The following ARMH3 variants were observed in gnomAD, a reference collection of about 807,000 sequenced individuals.
ARMH3 encodes armadillo-like helical domain-containing protein 3.
Under a neutral mutation model 99.1 loss-of-function variants are expected in ARMH3, and 60 were observed. That is an observed-to-expected ratio of 0.61 (90% confidence interval 0.49 to 0.75). The LOEUF (loss-of-function observed/expected upper bound fraction) is 0.75. ARMH3 is among the 30% of genes least tolerant of loss of function. The pLI is 0.00. For synonymous variants in ARMH3, 285 were observed against 292.8 expected (o/e 0.97, Z 0.27); for missense variants, 679 against 843.1 (o/e 0.81, Z 2.41).
chr10:101,939,972 C>T (rs1333648666), intron 22 of ARMH3, 34 bp from the exon 23 acceptor site: 9 of 1,582,842 alleles, frequency 5.7e-6, no homozygotes, highest in Non-Finnish European at 7.8e-6. Context: ...ATCTGTCAAA[C>T]CCCCGGCATA....
Position 101,849,757 on chromosome 10 carries a change from G to A in ARMH3, c.1977+19C>T. 3 of 1,607,260 alleles carry A rather than the reference G, an allele frequency of 1.9e-6. No homozygotes were observed. The highest frequency in any genetic ancestry group is 2.6e-6 in the Non-Finnish European group (3 of 1,174,162). On this transcript the variant is annotated intron_variant, in intron 25 of 25. Transcript: ENST00000370033. ...GGGGCGGGCCCCTAAGACACAGGCA[G>A]AGGCGGTGGGGCACTCACCAGCTCT...
chr10:101,983,099 T>C (rs770659940), intron 19 of ARMH3, among the ~76,000 whole-genome samples: 2 of 152,084 alleles, frequency 1.3e-5, no homozygotes, highest in African/African-American at 2.4e-5. Context: ...TCCAAAGTGA[T>C]GTCTGTTTGT....
At chr10:101,857,538 G>C (rs1175941400) in intron 24 of ARMH3, among the ~76,000 whole-genome samples, 1 of 152,156 alleles carries the variant, frequency 6.6e-6, no homozygotes, top group Non-Finnish European at 1.5e-5. Flanking sequence ...AGCAGCTTCA[G>C]GCAGTTTTTA....
chr10:101,916,277 C>T (rs978021144), intron 23 of ARMH3, among the ~76,000 whole-genome samples: 4 of 152,122 alleles, frequency 2.6e-5, no homozygotes, highest in African/African-American at 7.2e-5. Context: ...CTTAATTGTG[C>T]TTTCCTTCTC....
chr10:102,018,453 A>C (rs2066799846), intron 8 of ARMH3, among the ~76,000 whole-genome samples: 1 of 152,238 alleles, frequency 6.6e-6, no homozygotes, highest in South Asian at 2.1e-4. Flanking sequence ...TGTGATACAC[A>C]GTGATGTGCT....
chr10:101,951,901 A>G (rs1312247661), intron 22 of ARMH3, among the ~76,000 whole-genome samples: 14 of 138,340 alleles, frequency 1.0e-4, no homozygotes, highest in Admixed American at 3.6e-4. Context: ...GAAAGGAAGG[A>G]AGGGAGGGAG....
intron 22 of ARMH3, among the ~76,000 whole-genome samples, chr10:101,947,249 A>G (rs956707145): frequency 6.6e-6 from 1 of 152,186 alleles, no homozygotes; most frequent in Non-Finnish European, 1.5e-5. Context: ...CAATTATTCA[A>G]ATGACTACAG....
At chr10:101,851,309 G>A (rs890030146) in intron 24 of ARMH3, among the ~76,000 whole-genome samples, 1 of 152,128 alleles carries the variant, frequency 6.6e-6, no homozygotes, top group African/African-American at 2.4e-5. Flanking sequence ...GACAATCAGG[G>A]GAGAGGCACT....
At chr10:101,959,706 C>T (rs1038638251) in intron 20 of ARMH3, among the ~76,000 whole-genome samples, 3 of 152,206 alleles carry the variant, frequency 2.0e-5, no homozygotes, top group Non-Finnish European at 4.4e-5. Context: ...AACTCTGGCA[C>T]GGGCAACCTG....
At chr10:101,868,653 T>C (rs1250632254) in intron 24 of ARMH3, among the ~76,000 whole-genome samples, 1 of 152,208 alleles carries the variant, frequency 6.6e-6, no homozygotes, top group African/African-American at 2.4e-5. Context: ...ACTTAATGAA[T>C]AGTAAATACA....
chr10:101,912,308 G>T (rs189531371), intron 23 of ARMH3, among the ~76,000 whole-genome samples: 1 of 148,254 alleles, frequency 6.7e-6, no homozygotes, highest in Non-Finnish European at 1.5e-5. Flanking sequence ...CAGGAGAATC[G>T]CTTGAACTTG....
At chr10:101,928,855 C>T (rs1161646290) in intron 23 of ARMH3, among the ~76,000 whole-genome samples, 1 of 152,100 alleles carries the variant, frequency 6.6e-6, no homozygotes, top group African/African-American at 2.4e-5. Context: ...CTCAGCCTCC[C>T]GAGGAGCTGG....
intron 13 of ARMH3, among the ~76,000 whole-genome samples, chr10:102,007,833 CAAAAAAAAAAA>C (rs529858697): frequency 2.0e-5 from 1 of 48,990 alleles, no homozygotes. Context: ...ACACCATCTC[CAAAAAAAAAAA>C]AAAAAAAAAA....
chr10:101,922,712 C>T (rs1450194381), intron 23 of ARMH3, among the ~76,000 whole-genome samples: 7 of 152,116 alleles, frequency 4.6e-5, no homozygotes, highest in Non-Finnish European at 1.0e-4. Context: ...TTTAATCCAT[C>T]CCTATCTGAA....
intron 23 of ARMH3, among the ~76,000 whole-genome samples, chr10:101,908,550 T>A (rs866757783): frequency 6.6e-6 from 1 of 152,174 alleles, no homozygotes; most frequent in East Asian, 1.9e-4. Context: ...ATAGCAAATG[T>A]CCCCCAGAGG....
chr10:101,951,786 G>A (rs948738042), intron 22 of ARMH3, among the ~76,000 whole-genome samples: 24 of 151,734 alleles, frequency 1.6e-4, no homozygotes, highest in African/African-American at 5.8e-4. Context: ...GAGAATCCCT[G>A]GAACCCAGCA....
At chr10:101,920,470 G>A (rs1022748529) in intron 23 of ARMH3, among the ~76,000 whole-genome samples, 3 of 152,140 alleles carry the variant, frequency 2.0e-5, no homozygotes, top group Admixed American at 2.0e-4. Flanking sequence ...CTACCCTACA[G>A]AGCTTAAATG....
At chr10:101,969,694 AC>A (rs904795582) in intron 20 of ARMH3, among the ~76,000 whole-genome samples, 2 of 152,194 alleles carry the variant, frequency 1.3e-5, no homozygotes, top group African/African-American at 4.8e-5. Flanking sequence ...TTTGGATGTT[AC>A]TTAGCACAGT....
chr10:101,932,268 C>CA (rs1843752849), intron 23 of ARMH3, among the ~76,000 whole-genome samples: 1 of 151,964 alleles, frequency 6.6e-6, no homozygotes. Flanking sequence ...AGAGGCAGAG[C>CA]AAAAAACAAA....
Sources: allele counts gnomAD v4.1 joint callset (sites outside exome capture counted in the v4.1 genomes callset), GRCh38; gene constraint gnomAD v4.1.1; transcripts MANE v1.5; gene names NCBI Gene and HGNC (gene_info 2026-07-23, HGNC 2026-07-21).